The following SUSD1 variants were observed in gnomAD, a reference collection of about 807,000 sequenced individuals.
SUSD1 encodes the protein sushi domain-containing protein 1.
In SUSD1, 65 loss-of-function variants were observed where a neutral mutation model predicts 86.9. That is an observed-to-expected ratio of 0.75 (90% CI 0.61 to 0.92). SUSD1 has a LOEUF of 0.92. Among genes scored for constraint, SUSD1 ranks in the 40% least tolerant of loss-of-function variants. The pLI, the probability that SUSD1 is intolerant of heterozygous loss-of-function variation, is 0.00. For synonymous variants in SUSD1, 346 were observed against 350.0 expected, an observed-to-expected ratio of 0.99 and a Z score of 0.13; for missense variants, 850 against 929.7, an observed-to-expected ratio of 0.91 and a Z score of 1.11.
rs1831196212 is a variant in SUSD1, at chr9:112,113,735, C to T, written c.887-867G>A. Reference sequence around the variant, plus strand: ...TTACCTGAGCTCAGAAGTTTGAGACCAGCCTGGCCAACATAGTGAAACCCC... The same window carrying T: ...TTACCTGAGCTCAGAAGTTTGAGACTAGCCTGGCCAACATAGTGAAACCCC... On this transcript the variant is annotated intron_variant, in intron 6 of 16. Transcript: ENST00000374270. This position sits in a 1 kb window ranked among gnomAD's most constrained non-coding sequence, Gnocchi z 4.1. Among the ~76,000 whole-genome samples the T allele has an allele frequency of 2.0e-5, 3 of 152,060 alleles. No homozygotes were observed. The highest frequency in any genetic ancestry group is 2.0e-4 in the Admixed American group (3 of 15,262).
chr9:112,059,412 G>C (rs1197745704), intron 13 of SUSD1, among the ~76,000 whole-genome samples: 1 of 152,194 alleles, frequency 6.6e-6, no homozygotes. Context: ...CATGGAGACC[G>C]AGTGCCTACC....
intron 2 of SUSD1, among the ~76,000 whole-genome samples, chr9:112,150,424 C>G (rs75941807): frequency 6.6e-6 from 1 of 152,202 alleles, no homozygotes; most frequent in Non-Finnish European, 1.5e-5. Context: ...CAGTGGGCCC[C>G]TCATATCCGT....
rs555901199 is a variant in SUSD1 at position 112,157,465 on chromosome 9, C to T, written c.217+35G>A. On this transcript the variant is annotated intron_variant, in intron 2 of 16. Transcript: ENST00000374270. ...TACAAGAGAATCTTGTTTCTCGATT[C>T]AGCTTTTCAACTTAACCCAGAGTTC... 5 of 1,452,980 alleles carry T rather than the reference C, an allele frequency of 3.4e-6. No homozygotes were observed. In the South Asian group the frequency reaches 4.7e-5, roughly 14 times the overall value. 90.0% of individuals were successfully genotyped at this position (1,452,980 alleles called of 1,614,324 possible).
rs2131786399 is a variant in SUSD1 at position 112,149,124 on chromosome 9, C to T, written c.373+120G>A. 9 of 1,369,698 alleles carry T rather than the reference C, an allele frequency of 6.6e-6. No individual in the cohort carries two copies. The South Asian group carries it at 1.2e-4, about 18-fold the overall frequency. 84.8% of individuals were successfully genotyped at this position (1,369,698 alleles called of 1,614,324 possible). A position where few individuals can be genotyped will look rare whatever the true frequency, so the allele number is the denominator to read the frequency against. ...AAAATAAGAATATTATCCTATATACCACAATACCATTATGCCATCTAACAA... is the reference window on the plus strand; with the variant it reads ...AAAATAAGAATATTATCCTATATACTACAATACCATTATGCCATCTAACAA... On this transcript the variant is annotated intron_variant, in intron 3 of 16. Coordinates refer to ENST00000374270, the MANE Select transcript of SUSD1 (RefSeq NM_022486.5).
In SUSD1 at chr9:112,102,163, G is replaced by A; in HGVS notation, c.1281+13C>T. 6.8e-7 allele frequency: 1 copy of A among 1,464,414 alleles called. No individual in the cohort carries two copies. The allele number at this position is 1,464,414 out of a possible 1,614,324, so 90.7% of individuals were successfully genotyped here. A position where few individuals can be genotyped will look rare whatever the true frequency, so the allele number is the denominator to read the frequency against. On this transcript the variant is annotated intron_variant, in intron 9 of 16. Coordinates refer to ENST00000374270, the MANE Select transcript of SUSD1 (RefSeq NM_022486.5). ...CACAATTCTTTAATGGAAAGCATAA[G>A]AGATCTCCTTACTTGGTACATGTGT...
chr9:112,118,487 CT>C (rs976504383), intron 6 of SUSD1, among the ~76,000 whole-genome samples: 4 of 152,056 alleles, frequency 2.6e-5, no homozygotes, highest in African/African-American at 9.7e-5. Flanking sequence ...CACGCGAATA[CT>C]TTTTTTCTTT....
chr9:112,098,731 C>A, intron 9 of SUSD1, 69 bp from the exon 10 acceptor site: 1 of 1,430,706 alleles, frequency 7.0e-7, no homozygotes, highest in South Asian at 1.2e-5. Flanking sequence ...AGACTATTAG[C>A]AAAATGGAGT....
At chr9:112,050,773 C>G (rs1229123217) in intron 15 of SUSD1, among the ~76,000 whole-genome samples, 1 of 152,204 alleles carries the variant, frequency 6.6e-6, no homozygotes, top group African/African-American at 2.4e-5. Context: ...GGAATCAAAT[C>G]CACTGGCTGG....
chr9:112,118,450 T>C (rs1831417218), intron 6 of SUSD1, among the ~76,000 whole-genome samples: 1 of 152,184 alleles, frequency 6.6e-6, no homozygotes, highest in South Asian at 2.1e-4. Context: ...TAAAATATAT[T>C]GCACACTTTG....
intron 3 of SUSD1, among the ~76,000 whole-genome samples, chr9:112,146,915 C>T (rs181737990): frequency 1.3e-5 from 2 of 152,074 alleles, no homozygotes; most frequent in African/African-American, 2.4e-5. Flanking sequence ...GGGATACAGG[C>T]GTGAGTCACC....
chr9:112,087,047 G>A (rs1281861173), intron 10 of SUSD1, among the ~76,000 whole-genome samples: 1 of 150,918 alleles, frequency 6.6e-6, no homozygotes, highest in Non-Finnish European at 1.5e-5. Flanking sequence ...CTTGTAAAAA[G>A]CTCTACATTT....
intron 10 of SUSD1, among the ~76,000 whole-genome samples, chr9:112,088,127 A>T (rs941925426): frequency 2.6e-5 from 4 of 152,220 alleles, no homozygotes; most frequent in African/African-American, 7.2e-5. Context: ...ATATCTAGCC[A>T]AGCTACCTTT....
chr9:112,173,686 G>A (rs1834142402), intron 1 of SUSD1: 1 of 438,632 alleles, frequency 2.3e-6, no homozygotes, highest in East Asian at 5.9e-5. Flanking sequence ...CCAAGCTTGA[G>A]GTGGGCAACG....
At chr9:112,046,951 C>A (rs1827980262) in intron 15 of SUSD1, among the ~76,000 whole-genome samples, 1 of 152,176 alleles carries the variant, frequency 6.6e-6, no homozygotes, top group Non-Finnish European at 1.5e-5. Context: ...GTAGCTTTAA[C>A]CCATTTATGA....
intron 12 of SUSD1, 141 bp from the exon 13 acceptor site, chr9:112,063,174 G>A: frequency 2.0e-6 from 1 of 493,886 alleles, no homozygotes; most frequent in East Asian, 3.3e-5. Flanking sequence ...CCACAATGTG[G>A]AAGAACATGC....
At chr9:112,054,658 G>T (rs1373497923) in intron 14 of SUSD1, among the ~76,000 whole-genome samples, 1 of 151,682 alleles carries the variant, frequency 6.6e-6, no homozygotes, top group African/African-American at 2.4e-5. Context: ...GAATGAATAT[G>T]GACCCTTACC....
intron 11 of SUSD1, 52 bp from the exon 12 acceptor site, chr9:112,078,776 A>T: frequency 7.3e-6 from 10 of 1,363,898 alleles, no homozygotes; most frequent in Non-Finnish European, 1.0e-5. Flanking sequence ...AAGGCTTTAG[A>T]TGCCTTGAAA....
chr9:112,157,614 C>A lies in SUSD1; in HGVS notation c.104-1G>T. 1 of 1,609,930 alleles carries A rather than the reference C, an allele frequency of 6.2e-7. No individual in the cohort carries two copies. The highest frequency in any genetic ancestry group is 1.3e-5 in the African/African-American group (1 of 74,886). On this transcript the variant is annotated splice_acceptor_variant, in intron 1 of 16. Transcript: ENST00000374270. LOFTEE classifies it high-confidence loss of function. ...TGGCAAGTGGCACAGACGTCTAAAC[C>A]TGAATCATAAATTGTATGTTTCAGA...
intron 2 of SUSD1, among the ~76,000 whole-genome samples, chr9:112,156,698 T>C (rs1488497812): frequency 6.6e-6 from 1 of 152,044 alleles, no homozygotes; most frequent in Non-Finnish European, 1.5e-5. Flanking sequence ...AGATCGAGGC[T>C]CAGTACCTCG....
Sources: gnomAD v4.1 joint callset for allele counts (sites outside exome capture counted in the v4.1 genomes callset) on GRCh38, gnomAD v4.1.1 for gene constraint, Gnocchi (gnomAD v3.1) non-coding constraint, MANE v1.5 for transcripts, NCBI Gene and HGNC (gene_info 2026-07-23, HGNC 2026-07-21) for gene names.